Variants in ATXN3 observed in about 807,000 individuals in gnomAD.
ATXN3 encodes the protein ataxin 3.
A neutral mutation model predicts 58.2 loss-of-function variants in ATXN3; 28 were observed. The observed-to-expected ratio is 0.48, with a 90% confidence interval of 0.36 to 0.66. The LOEUF (loss-of-function observed/expected upper bound fraction) is 0.66, where lower values mean the gene tolerates loss of function less well. ATXN3 is among the 30% of genes least tolerant of loss of function. The pLI is 0.00. For synonymous variants in ATXN3, 113 were observed against 138.5 expected, an observed-to-expected ratio of 0.82 and a Z score of 1.29; for missense variants, 321 against 422.1, an observed-to-expected ratio of 0.76 and a Z score of 2.10.
At chr14:92,095,209 T>C (rs2064904195) in intron 3 of ATXN3, among the ~76,000 whole-genome samples, 1 of 152,032 alleles carries the variant, frequency 6.6e-6, no homozygotes, top group East Asian at 1.9e-4. Context: ...ACCCAACAGA[T>C]GGTAAGTTTG....
downstream of ATXN3, among the ~76,000 whole-genome samples, chr14:92,055,960 CAAAA>C (rs201033403): frequency 6.6e-6 from 1 of 150,400 alleles, no homozygotes; most frequent in Non-Finnish European, 1.5e-5. This position sits in a 1 kb window ranked among gnomAD's most constrained non-coding sequence, Gnocchi z 4.5. Context: ...GGCCCTGTCT[CAAAA>C]AAAAAGGCAG....
At chr14:92,077,835 C>T (rs1022014953) in intron 9 of ATXN3, among the ~76,000 whole-genome samples, 1 of 151,404 alleles carries the variant, frequency 6.6e-6, no homozygotes, top group African/African-American at 2.4e-5. Flanking sequence ...TTAGTAGAGA[C>T]AGGCTTTCGC....
intron 9 of ATXN3, among the ~76,000 whole-genome samples, chr14:92,078,010 T>C (rs957873872): frequency 6.6e-6 from 1 of 151,176 alleles, no homozygotes; most frequent in African/African-American, 2.4e-5. Flanking sequence ...AGTTTCACTC[T>C]GTCACCCAGG....
At chr14:92,097,817 G>A (rs1382083281) in intron 1 of ATXN3, among the ~76,000 whole-genome samples, 1 of 152,112 alleles carries the variant, frequency 6.6e-6, no homozygotes, top group Non-Finnish European at 1.5e-5. Context: ...GAGCCACCCT[G>A]CCAGGCCCCT....
intron 9 of ATXN3, among the ~76,000 whole-genome samples, chr14:92,074,695 C>T (rs984397429): frequency 7.2e-5 from 11 of 152,162 alleles, no homozygotes; most frequent in African/African-American, 2.7e-4. Flanking sequence ...TAAGTATTTT[C>T]CTCTTTAAAA....
At chr14:92,103,697 A>G (rs1038752447) in intron 1 of ATXN3, among the ~76,000 whole-genome samples, 1 of 152,224 alleles carries the variant, frequency 6.6e-6, no homozygotes, top group Non-Finnish European at 1.5e-5. Context: ...CACTGCAGAT[A>G]TATCAGTGAG....
At chr14:92,103,098 C>T (rs2067218669) in intron 1 of ATXN3, among the ~76,000 whole-genome samples, 1 of 139,630 alleles carries the variant, frequency 7.2e-6, no homozygotes, top group African/African-American at 2.6e-5. Context: ...CAAGAAACAT[C>T]AGCAAGAGGA....
At chr14:92,068,710 C>T (rs140210106) in intron 10 of ATXN3, among the ~76,000 whole-genome samples, 2,859 of 152,236 alleles carry the variant, frequency 0.019, 54 homozygotes, top group South Asian at 0.08. Flanking sequence ...CCTGCCTCAG[C>T]CTCCCAAGAA....
Position 92,059,361 on chromosome 14 carries a change from G to C in ATXN3, c.*4959C>G, listed in dbSNP as rs2057587300. On this transcript the variant is annotated 3_prime_UTR_variant, in exon 11 of 11. Transcript: ENST00000644486. ...TCATTTTTTAAAGCAAAAAGATGCT[G>C]GTTATAAAGGGGCCAGAAATAAAAG... is the stretch of plus-strand genomic sequence containing the variant. 6.6e-6 allele frequency: 1 copy of C among 152,090 alleles called. No individual in the cohort carries two copies. The highest frequency in any genetic ancestry group is 2.4e-5 in the African/African-American group (1 of 41,390). The allele number at this position is 152,090 out of a possible 1,614,324, so 9.4% of individuals were successfully genotyped here.
rs2057755773 is a variant in ATXN3, at chr14:92,061,191, T to G, written c.*3129A>C. 6.6e-6 allele frequency: 1 copy of G among 152,154 alleles called. No homozygotes were observed. Among genetic ancestry groups the G allele is most frequent in the Non-Finnish European group, 1.5e-5 (1 of 68,014 alleles). The allele number at this position is 152,154 out of a possible 1,614,324, so 9.4% of individuals were successfully genotyped here. A position where few individuals can be genotyped will look rare whatever the true frequency, so the allele number is the denominator to read the frequency against. ...TGATACTCAACTGGTTTTGAGTTTTTTTCCTCATTTACTTTGGCATCATGA... is the reference window on the plus strand; with the variant it reads ...TGATACTCAACTGGTTTTGAGTTTTGTTCCTCATTTACTTTGGCATCATGA... On this transcript the variant is annotated 3_prime_UTR_variant, in exon 11 of 11. Coordinates refer to ENST00000644486, the MANE Select transcript of ATXN3 (RefSeq NM_004993.6).
At chr14:92,101,465 C>T (rs537789812) in intron 1 of ATXN3, among the ~76,000 whole-genome samples, 6 of 152,318 alleles carry the variant, frequency 3.9e-5, no homozygotes, top group Admixed American at 2.0e-4. Context: ...CATTTTCCTG[C>T]CTTGCCCTTA....
intron 7 of ATXN3, 98 bp downstream of exon 7, chr14:92,083,028 C>A (rs2061747705): frequency 7.1e-7 from 1 of 1,415,548 alleles, no homozygotes; most frequent in African/African-American, 1.4e-5. Flanking sequence ...AATAGAGTCG[C>A]CAACAACACA....
chr14:92,088,477 G>A (rs566818283), intron 6 of ATXN3, among the ~76,000 whole-genome samples: 2 of 152,284 alleles, frequency 1.3e-5, no homozygotes, highest in African/African-American at 4.8e-5. Context: ...TGTGATATGT[G>A]ATGTATAAAA....
downstream of ATXN3, among the ~76,000 whole-genome samples, chr14:92,057,193 G>A (rs2057476699): frequency 6.6e-6 from 1 of 152,220 alleles, no homozygotes. Context: ...CAAGGCGGGT[G>A]GATCACGAAG....
chr14:92,079,768 G>A (rs556989809), intron 9 of ATXN3, among the ~76,000 whole-genome samples: 5 of 152,108 alleles, frequency 3.3e-5, no homozygotes, highest in South Asian at 2.1e-4. Flanking sequence ...ACGAAGTCTC[G>A]CTCTTGTCCC....
At chr14:92,106,326 CG>C (rs894188177) in intron 1 of ATXN3, among the ~76,000 whole-genome samples, 16 of 151,988 alleles carry the variant, frequency 1.1e-4, no homozygotes, top group African/African-American at 3.9e-4. Flanking sequence ...GCTCCCAGGG[CG>C]GGGGCCGCGG....
intron 10 of ATXN3, among the ~76,000 whole-genome samples, chr14:92,067,634 T>A (rs1391195167): frequency 1.3e-5 from 2 of 152,216 alleles, no homozygotes; most frequent in Non-Finnish European, 1.5e-5. Flanking sequence ...TGACCTTAAG[T>A]GTTTGGCCCA....
At chr14:92,101,316 G>A (rs1342807271) in intron 1 of ATXN3, among the ~76,000 whole-genome samples, 1 of 152,016 alleles carries the variant, frequency 6.6e-6, no homozygotes, top group East Asian at 1.9e-4. Context: ...AGGTGACAGA[G>A]CAACATCATG....
At chr14:92,074,964 T>C (rs1025716841) in intron 9 of ATXN3, among the ~76,000 whole-genome samples, 1 of 152,190 alleles carries the variant, frequency 6.6e-6, no homozygotes, top group Non-Finnish European at 1.5e-5. Context: ...GTTTATAAAA[T>C]AGTTTCACAC....
Sources: allele counts gnomAD v4.1 joint callset (sites outside exome capture counted in the v4.1 genomes callset), GRCh38; gene constraint gnomAD v4.1.1; non-coding constraint Gnocchi (gnomAD v3.1); transcripts MANE v1.5; gene names NCBI Gene and HGNC (gene_info 2026-07-23, HGNC 2026-07-21).